The following TASL variants were observed in gnomAD, a reference collection of about 807,000 sequenced individuals.
TASL encodes the protein TLR adaptor interacting with endolysosomal SLC15A4.
Under a neutral mutation model 12.9 loss-of-function variants are expected in TASL, and 6 were observed. The ratio of observed to expected loss-of-function variants is 0.46; its 90% CI spans 0.25 to 0.92. The LOEUF is 0.92. Among genes scored for constraint, TASL ranks in the 40% least tolerant of loss-of-function variants. The pLI, the probability that TASL is intolerant of heterozygous loss-of-function variation, is 0.17. For missense variants in TASL, 165 were observed against 212.8 expected (o/e 0.78, Z 1.40); for synonymous variants, 85 against 79.3 (o/e 1.07, Z -0.38).
intron 2 of TASL, among the ~76,000 whole-genome samples, 189 bp from the exon 3 acceptor site, chrX:30,560,545 C>G (rs1930403998): frequency 9.0e-6 from 1 of 110,910 alleles, no homozygotes; most frequent in Admixed American, 9.7e-5. Context: ...ATGAAAAGCA[C>G]ACAATTCCAT....
At chrX:30,571,262 GAAAGAAAGAAAGAAAGAAAGAAAGAA>G (rs1930600338) in intron 2 of TASL, among the ~76,000 whole-genome samples, 1 of 27,319 alleles carries the variant, frequency 3.7e-5, no homozygotes, top group African/African-American at 1.1e-4. Context: ...GAAAGAGAAA[GAAAGAAAGAAAGAAAGAAAGAAAGAA>G]AGAAAGAAAG....
chrX:30,561,058 T>C (rs949961875), intron 2 of TASL, among the ~76,000 whole-genome samples: 12 of 111,888 alleles, frequency 1.1e-4, no homozygotes, highest in African/African-American at 3.6e-4. Flanking sequence ...TTGTATTGGA[T>C]CCCTAGGAGC....
chrX:30,569,295 AC>A (rs1023456266), intron 2 of TASL, among the ~76,000 whole-genome samples: 3 of 110,055 alleles, frequency 2.7e-5, no homozygotes, highest in Non-Finnish European at 5.7e-5. Flanking sequence ...AGAGACCAAG[AC>A]CCCCAGACAT....
Position 30,559,606 on chromosome X carries a change from G to T in TASL, c.750C>A (p.Asp250Glu). ...LASELIMTSVDQISLQVSREK... is the reference protein window; with the variant it reads ...LASELIMTSVEQISLQVSREK... ...CTCTAGACACTTGAAGACTGATTTG[G>T]TCTACACTTGTCATGATGAGTTCAG... The change falls in exon 3 of 3, where the codon GAC becomes GAA. Residue 250 changes from aspartate to glutamate, a missense_variant. Coordinates refer to ENST00000378962, the MANE Select transcript of TASL (RefSeq NM_025159.3). 3.3e-6 allele frequency: 4 copies of T among 1,210,371 alleles called. No individual in the cohort carries two copies. In the East Asian group the frequency reaches 8.9e-5, roughly 27 times the overall value.
In TASL at chrX:30,570,820, C is replaced by T. The variant is rs188605899; in HGVS notation, c.-2+5932G>A. Among the ~76,000 whole-genome samples the T allele has an allele frequency of 6.0e-3, 665 of 111,129 alleles. 3 individuals carry two copies. Among genetic ancestry groups the T allele is most frequent in the African/African-American group, 0.02 (622 of 30,544 alleles). On this transcript the variant is annotated intron_variant, in intron 2 of 2. Coordinates refer to ENST00000378962, the MANE Select transcript of TASL (RefSeq NM_025159.3). ...AAATACATATATTAACACATTTAAT[C>T]TTCATAATTAATTTCCTAGTTTAGG... is the stretch of plus-strand genomic sequence containing the variant.
At chrX:30,560,910 A>G (rs1447148504) in intron 2 of TASL, among the ~76,000 whole-genome samples, 1 of 111,234 alleles carries the variant, frequency 9.0e-6, no homozygotes, top group Non-Finnish European at 1.9e-5. Context: ...AAAAGCATTT[A>G]CATTCTGCCC....
chrX:30,576,568 G>A (rs1569307006), intron 2 of TASL, among the ~76,000 whole-genome samples, 184 bp downstream of exon 2: 2 of 109,798 alleles, frequency 1.8e-5, no homozygotes, highest in Non-Finnish European at 3.8e-5. Flanking sequence ...ATTGGGAGGG[G>A]GAAAAAACCA....
At chrX:30,571,711 A>G (rs1041993612) in intron 2 of TASL, among the ~76,000 whole-genome samples, 2 of 111,043 alleles carry the variant, frequency 1.8e-5, no homozygotes, top group Admixed American at 9.6e-5. Flanking sequence ...ATATCCTCAA[A>G]TTTTAGAGTA....
At chrX:30,571,543 G>A (rs1242866500) in intron 2 of TASL, among the ~76,000 whole-genome samples, 19 of 108,649 alleles carry the variant, frequency 1.7e-4, no homozygotes, top group African/African-American at 6.4e-4. Context: ...TCGCTTGAAT[G>A]GGGTGGGGTC....
At chrX:30,568,897 C>A (rs773185959) in intron 2 of TASL, among the ~76,000 whole-genome samples, 21 of 106,365 alleles carry the variant, frequency 2.0e-4, no homozygotes, top group South Asian at 4.2e-4. Context: ...CAAGACAGAC[C>A]AGTAAAGTGG....
chrX:30,576,515 T>G lies in TASL; in HGVS notation c.-2+237A>C, dbSNP rs372290308. ...GAAAATATGGGTGTTCGTTGTACTA[T>G]TCTTTCAATTTTTATATAGATTTGA... On this transcript the variant is annotated intron_variant, in intron 2 of 2. Transcript: ENST00000378962. Among the ~76,000 whole-genome samples, 6 of 111,553 alleles carry G rather than the reference T, an allele frequency of 5.4e-5. No homozygotes were observed. The East Asian group carries it at 1.7e-3, about 31-fold the overall frequency.
chrX:30,560,673 C>A (rs1268678161), intron 2 of TASL, among the ~76,000 whole-genome samples: 1 of 106,945 alleles, frequency 9.4e-6, no homozygotes, highest in Non-Finnish European at 1.9e-5. Context: ...TGGGGGGGTC[C>A]CTAACTTAGC....
rs72184120 is a variant in TASL at position 30,562,897 on chromosome X, TACACACACACACAC to T, written c.-1-2555_-1-2542del. On this transcript the variant is annotated intron_variant, in intron 2 of 2. Transcript: ENST00000378962. ...ATAAATGGTTTTTAAAAAGGTATAA[TACACACACACACAC>T]ACACACACACACACACACAAATACA... 1.2e-4 allele frequency among the ~76,000 whole-genome samples: 10 copies of T among 85,138 alleles called. No individual in the cohort carries two copies. In the East Asian group the frequency reaches 2.2e-3, roughly 18 times the overall value. The allele number at this position is 85,138 out of a possible 115,157, so 73.9% of individuals were successfully genotyped here.
intron 2 of TASL, among the ~76,000 whole-genome samples, chrX:30,565,319 G>C (rs1930482464): frequency 8.9e-6 from 1 of 111,873 alleles, no homozygotes; most frequent in African/African-American, 3.2e-5. Flanking sequence ...AGACATTCTG[G>C]GATGAAAGCT....
At chrX:30,568,057 T>A (rs1340732391) in intron 2 of TASL, among the ~76,000 whole-genome samples, 2 of 111,256 alleles carry the variant, frequency 1.8e-5, no homozygotes, top group African/African-American at 6.5e-5. Flanking sequence ...GCCAATATGA[T>A]GAAACCCCAT....
In TASL at chrX:30,559,374, G is replaced by A; in HGVS notation, c.*76C>T. ...TAATTCCCCTTCACTAACCCCTCCT[G>A]CACATTCTCAGAATAAATGGATAAA... On this transcript the variant is annotated 3_prime_UTR_variant, in exon 3 of 3. Transcript: ENST00000378962. 1 of 818,559 alleles carries A rather than the reference G, an allele frequency of 1.2e-6. No individual in the cohort carries two copies. The highest frequency in any genetic ancestry group is 3.1e-5 in the Admixed American group (1 of 32,550). The allele number at this position is 818,559 out of a possible 1,213,427, so 67.5% of individuals were successfully genotyped here. A position where few individuals can be genotyped will look rare whatever the true frequency, so the allele number is the denominator to read the frequency against.
intron 2 of TASL, among the ~76,000 whole-genome samples, chrX:30,569,808 C>T (rs1329045864): frequency 2.7e-5 from 3 of 111,010 alleles, no homozygotes; most frequent in South Asian, 3.8e-4. Context: ...GTCAGGAGTT[C>T]GAGACCATCC....
chrX:30,570,175 C>T (rs1391860372), intron 2 of TASL, among the ~76,000 whole-genome samples: 1 of 109,312 alleles, frequency 9.1e-6, no homozygotes, highest in East Asian at 2.8e-4. Context: ...CTTAACAAAT[C>T]ATGGAGAATT....
At position 30,559,796 on chromosome X, in the gene TASL, T is replaced by C. The variant is rs747522617; in HGVS notation, c.560A>G (p.Tyr187Cys). 1.7e-6 allele frequency: 2 copies of C among 1,210,459 alleles called. No individual in the cohort carries two copies. Among genetic ancestry groups the C allele is most frequent in the Non-Finnish European group, 2.2e-6 (2 of 894,817 alleles). ...CTCTTTGATGCTTGTTATTCTCCAA[T>C]AGGATGAGTACCGCTGGATAGGTTT... is the stretch of plus-strand genomic sequence containing the variant. The part of the protein sequence containing the change: ...PQKPIQRYSS[Y>C]WRITSIKEKS... The change falls in exon 3 of 3, where the codon TAT (tyrosine) becomes TGT (cysteine). Residue 187 changes from tyrosine to cysteine, a missense_variant. By Grantham distance (194) the Tyr-to-Cys change is radical (BLOSUM62 -2). Coordinates refer to ENST00000378962, the MANE Select transcript of TASL (RefSeq NM_025159.3).
Sources: gnomAD v4.1 joint callset for allele counts (sites outside exome capture counted in the v4.1 genomes callset) on GRCh38, gnomAD v4.1.1 for gene constraint, MANE v1.5 for transcripts, NCBI Gene and HGNC (gene_info 2026-07-23, HGNC 2026-07-21) for gene names.